The following SLCO3A1 variants were observed in gnomAD, a reference collection of about 807,000 sequenced individuals.
The protein encoded by SLCO3A1 is solute carrier organic anion transporter family member 3A1, also known as PGE1 transporter.
A neutral mutation model predicts 63.1 loss-of-function variants in SLCO3A1; 27 were observed. The ratio of observed to expected loss-of-function variants is 0.43; its 90% CI spans 0.32 to 0.59. SLCO3A1 has a LOEUF of 0.59. Among genes scored for constraint, SLCO3A1 ranks in the 20% least tolerant of loss-of-function variants. SLCO3A1 has a pLI of 0.09. For synonymous variants in SLCO3A1, 473 were observed against 409.9 expected (o/e 1.15, Z -1.86); for missense variants, 773 against 945.8 (o/e 0.82, Z 2.40).
intron 2 of SLCO3A1, among the ~76,000 whole-genome samples, chr15:92,047,070 C>A (rs11632643): frequency 8.0e-3 from 30 of 3,756 alleles, no homozygotes; most frequent in Non-Finnish European, 9.1e-3. Context: ...AATATATATA[C>A]AAATATATAT....
intron 2 of SLCO3A1, among the ~76,000 whole-genome samples, chr15:92,056,659 T>C (rs1030551684): frequency 2.0e-5 from 3 of 152,218 alleles, no homozygotes; most frequent in Non-Finnish European, 1.5e-5. Context: ...AATTTGCAAT[T>C]GTTCTAATAT....
At chr15:91,940,874 C>A (rs760900066) in intron 2 of SLCO3A1, among the ~76,000 whole-genome samples, 1 of 152,164 alleles carries the variant, frequency 6.6e-6, no homozygotes, top group Non-Finnish European at 1.5e-5. Context: ...CTCCTAACCA[C>A]CCCAGCATTT....
chr15:91,996,835 T>C (rs898402311), intron 2 of SLCO3A1, among the ~76,000 whole-genome samples: 1 of 152,138 alleles, frequency 6.6e-6, no homozygotes, highest in African/African-American at 2.4e-5. Context: ...AGTATAAATA[T>C]ATCTAGATGG....
chr15:92,149,339 A>T (rs959445303), intron 8 of SLCO3A1: 3 of 152,264 alleles, frequency 2.0e-5, no homozygotes, highest in Non-Finnish European at 1.5e-5. Flanking sequence ...TGAGAGGTCC[A>T]AGACACAGTT....
chr15:92,044,737 A>T (rs1192990481), intron 2 of SLCO3A1, among the ~76,000 whole-genome samples: 1 of 152,108 alleles, frequency 6.6e-6, no homozygotes, highest in Non-Finnish European at 1.5e-5. Flanking sequence ...CTGTTGCATC[A>T]AGTCCAGCCT....
In SLCO3A1 at chr15:91,897,717, A is replaced by G. The variant is rs918244644; in HGVS notation, c.181-18276A>G. Among the ~76,000 whole-genome samples the G allele has an allele frequency of 1.3e-5, 2 of 152,140 alleles. No homozygotes were observed. Among genetic ancestry groups the G allele is most frequent in the Middle Eastern group, 3.2e-3 (1 of 316 alleles). ...CGGCAGAGTGGATTGGTGTGCTCCC[A>G]TGTGCTAGGCTGAGTCTACCCTGCA... On this transcript the variant is annotated intron_variant, in intron 1 of 9. Transcript: ENST00000318445. The surrounding 1 kb of genome is among the most constrained non-coding windows in gnomAD (Gnocchi z 4.7).
chr15:92,161,551 C>A (rs1004327825), intron 9 of SLCO3A1: 2 of 152,234 alleles, frequency 1.3e-5, no homozygotes, highest in African/African-American at 4.8e-5. Context: ...GTTACCAACT[C>A]ATTCTGAGCT....
At chr15:92,132,650 T>C (rs1689730712) in intron 7 of SLCO3A1, among the ~76,000 whole-genome samples, 1 of 143,180 alleles carries the variant, frequency 7.0e-6, no homozygotes, top group African/African-American at 2.5e-5. Context: ...CAGCCACCAA[T>C]AGAATGTTGA....
At chr15:92,074,369 T>C (rs2047251222) in intron 2 of SLCO3A1, among the ~76,000 whole-genome samples, 2 of 152,188 alleles carry the variant, frequency 1.3e-5, no homozygotes, top group Non-Finnish European at 2.9e-5. Flanking sequence ...GTGCACAATT[T>C]GTCTCTTCCC....
Position 91,875,054 on chromosome 15 carries a change from A to AT in SLCO3A1, c.180+20967dup, listed in dbSNP as rs1567166457. Among the ~76,000 whole-genome samples, 1 of 152,210 alleles carries AT rather than the reference A, an allele frequency of 6.6e-6. No homozygotes were observed. Among genetic ancestry groups the AT allele is most frequent in the Admixed American group, 6.5e-5 (1 of 15,280 alleles). On this transcript the variant is annotated intron_variant, in intron 1 of 9. Coordinates refer to ENST00000318445, the MANE Select transcript of SLCO3A1 (RefSeq NM_013272.4). This position sits in a 1 kb window ranked among gnomAD's most constrained non-coding sequence, Gnocchi z 4.5. ...GGTGGTTACATCCACACCACTCCACATGAAACAGACATTTGCCGCCTTGAA... is the reference window on the plus strand; with the variant it reads ...GGTGGTTACATCCACACCACTCCACATTGAAACAGACATTTGCCGCCTTGAA...
intron 2 of SLCO3A1, among the ~76,000 whole-genome samples, chr15:92,068,693 G>T (rs1275164776): frequency 3.3e-5 from 5 of 152,192 alleles, no homozygotes; most frequent in Non-Finnish European, 5.9e-5. Flanking sequence ...ATTAACAGCT[G>T]CAGGCATTTG....
At chr15:91,923,660 A>C (rs2151384721) in intron 2 of SLCO3A1, among the ~76,000 whole-genome samples, 2 of 152,370 alleles carry the variant, frequency 1.3e-5, no homozygotes, top group African/African-American at 4.8e-5. Context: ...ACATTGAGAA[A>C]AACAGAAATG....
At chr15:91,914,889 C>A (rs889759563) in intron 1 of SLCO3A1, among the ~76,000 whole-genome samples, 1 of 152,124 alleles carries the variant, frequency 6.6e-6, no homozygotes. Context: ...TTTTCTCTTC[C>A]ATGATGAAAT....
At chr15:92,090,263 G>A (rs2047455401) in intron 2 of SLCO3A1, among the ~76,000 whole-genome samples, 1 of 152,160 alleles carries the variant, frequency 6.6e-6, no homozygotes, top group Non-Finnish European at 1.5e-5. Flanking sequence ...GCTACCTTGG[G>A]ATAGTAGATT....
chr15:91,898,908 C>T (rs1898078713), intron 1 of SLCO3A1, among the ~76,000 whole-genome samples: 1 of 152,134 alleles, frequency 6.6e-6, no homozygotes, highest in South Asian at 2.1e-4. Flanking sequence ...GAATTTTATT[C>T]TTCGTGGCTC....
chr15:91,940,249 C>T (rs1161938221), intron 2 of SLCO3A1, among the ~76,000 whole-genome samples: 14 of 152,108 alleles, frequency 9.2e-5, no homozygotes, highest in Admixed American at 5.9e-4. Flanking sequence ...TTTCTGGTGC[C>T]TTCCTCGGGG....
At chr15:92,148,415 AT>A (rs2048258536) in intron 8 of SLCO3A1, among the ~76,000 whole-genome samples, 1 of 152,158 alleles carries the variant, frequency 6.6e-6, no homozygotes, top group Non-Finnish European at 1.5e-5. Context: ...AAGGAAGAGG[AT>A]TTTTACAAGT....
intron 2 of SLCO3A1, among the ~76,000 whole-genome samples, chr15:91,956,561 C>T (rs775823415): frequency 6.6e-6 from 1 of 152,038 alleles, no homozygotes; most frequent in African/African-American, 2.4e-5. Context: ...GATCTTTAGC[C>T]TTGTCTGAGC....
At chr15:92,170,350 C>T (rs139526070), downstream of SLCO3A1, among the ~76,000 whole-genome samples, 6 of 152,330 alleles carry the variant, frequency 3.9e-5, no homozygotes, top group African/African-American at 1.4e-4. Context: ...CTGCTACCCA[C>T]GTGCCGGGTT....
Sources: allele counts gnomAD v4.1 joint callset (sites outside exome capture counted in the v4.1 genomes callset), GRCh38; gene constraint gnomAD v4.1.1; non-coding constraint Gnocchi (gnomAD v3.1); transcripts MANE v1.5; gene names NCBI Gene and HGNC (gene_info 2026-07-23, HGNC 2026-07-21).